The following RYR3 variants were observed in gnomAD, a reference collection of about 807,000 sequenced individuals.
RYR3 encodes ryanodine receptor 3.
In RYR3, 207 loss-of-function variants were observed where a neutral mutation model predicts 584.3. The observed-to-expected ratio is 0.35, with a 90% CI of 0.32 to 0.40. The LOEUF (loss-of-function observed/expected upper bound fraction) is 0.40, where lower values mean the gene tolerates loss of function less well. RYR3 is among the 10% of genes least tolerant of loss of function. RYR3 has a pLI of 1.00. For missense variants in RYR3, 5,616 were observed against 6,089.2 expected, an observed-to-expected ratio of 0.92 and a Z score of 2.59; for synonymous variants, 2,416 against 2,248.5, an observed-to-expected ratio of 1.07 and a Z score of -2.11.
intron 1 of RYR3, among the ~76,000 whole-genome samples, chr15:33,416,222 C>T (rs375779617): frequency 1.3e-5 from 2 of 152,088 alleles, no homozygotes; most frequent in African/African-American, 2.4e-5. Flanking sequence ...ATATATCCAG[C>T]AATTGGATTG....
chr15:33,485,590 G>C (rs1460310479), intron 2 of RYR3, among the ~76,000 whole-genome samples: 2 of 152,184 alleles, frequency 1.3e-5, no homozygotes, highest in Non-Finnish European at 2.9e-5. Context: ...CAAGGATGAG[G>C]GTGGATCTGT....
At position 33,705,502 on chromosome 15, in the gene RYR3, G is replaced by A. The variant is rs1267997042; in HGVS notation, c.6484-1417G>A. Among the ~76,000 whole-genome samples the A allele has an allele frequency of 2.0e-5, 3 of 152,192 alleles. No homozygotes were observed. In the South Asian group the frequency reaches 6.2e-4, roughly 32 times the overall value. On this transcript the variant is annotated intron_variant, in intron 42 of 103. Coordinates refer to ENST00000634891, the MANE Select transcript of RYR3 (RefSeq NM_001036.6). ...CACTGTGGATTCTCCTCTTCTCTGT[G>A]TATACATAAGATATCAAAGGTGAAA...
At chr15:33,604,571 C>T (rs907280915) in intron 18 of RYR3, among the ~76,000 whole-genome samples, 2 of 152,136 alleles carry the variant, frequency 1.3e-5, no homozygotes, top group South Asian at 2.1e-4. Flanking sequence ...AAAAAGCCTT[C>T]GTTCATGTTC....
intron 59 of RYR3, 85 bp from the exon 60 acceptor site, chr15:33,757,390 C>A: frequency 7.0e-7 from 1 of 1,421,480 alleles, no homozygotes; most frequent in Non-Finnish European, 9.6e-7. Context: ...AGGCTTTTTG[C>A]TCACTGAAAA....
At chr15:33,855,053 T>C in intron 98 of RYR3, 141 bp downstream of exon 98, 1 of 863,672 alleles carries the variant, frequency 1.2e-6, no homozygotes, top group Non-Finnish European at 1.6e-6. Flanking sequence ...CTTCAACTAA[T>C]GGTGATTGTT....
intron 102 of RYR3, among the ~76,000 whole-genome samples, chr15:33,861,480 CTT>C (rs34330524): frequency 6.8e-6 from 1 of 148,054 alleles, no homozygotes; most frequent in East Asian, 2.0e-4. Flanking sequence ...TATAAATATG[CTT>C]TTTTTTTTTT....
At chr15:33,776,157 G>C (rs963269541) in intron 64 of RYR3, among the ~76,000 whole-genome samples, 1 of 152,174 alleles carries the variant, frequency 6.6e-6, no homozygotes, top group Admixed American at 6.5e-5. Context: ...GCTACACCTG[G>C]AGTATGCTTT....
intron 1 of RYR3, among the ~76,000 whole-genome samples, chr15:33,440,197 G>C (rs2676021): frequency 0.21 from 31,614 of 151,936 alleles, 4,464 homozygotes; most frequent in African/African-American, 0.41. Flanking sequence ...TGAGGTGGGA[G>C]GATCACTTGA....
chr15:33,625,905 G>A (rs1215262530), intron 20 of RYR3, among the ~76,000 whole-genome samples: 1 of 152,128 alleles, frequency 6.6e-6, no homozygotes, highest in African/African-American at 2.4e-5. Context: ...TCCAGAAAAA[G>A]CCCCATCCTG....
chr15:33,721,750 A>G (rs1268978240), intron 43 of RYR3, among the ~76,000 whole-genome samples: 2 of 152,064 alleles, frequency 1.3e-5, no homozygotes, highest in Non-Finnish European at 2.9e-5. Context: ...ACAAATTAGG[A>G]TTTCATCTGA....
At chr15:33,739,346 A>G (rs911541807) in intron 50 of RYR3, among the ~76,000 whole-genome samples, 2 of 152,128 alleles carry the variant, frequency 1.3e-5, no homozygotes, top group Non-Finnish European at 2.9e-5. Context: ...ACTGAAATTC[A>G]TTTCTGGCTG....
At chr15:33,657,069 T>C (rs2062858355) in intron 32 of RYR3, among the ~76,000 whole-genome samples, 2 of 152,226 alleles carry the variant, frequency 1.3e-5, no homozygotes, top group Admixed American at 1.3e-4. Context: ...CAATTGCCCA[T>C]TTTTATCCTT....
chr15:33,485,704 G>A (rs909670930), intron 2 of RYR3, among the ~76,000 whole-genome samples: 12 of 152,176 alleles, frequency 7.9e-5, no homozygotes, highest in African/African-American at 2.9e-4. Context: ...TGAGGATGAC[G>A]ACCATGAATT....
At chr15:33,358,797 G>A (rs999767979) in intron 1 of RYR3, among the ~76,000 whole-genome samples, 1 of 152,108 alleles carries the variant, frequency 6.6e-6, no homozygotes, top group East Asian at 1.9e-4. Context: ...AAATAATGAG[G>A]CACTTTCTTC....
chr15:33,864,560 CAT>C (rs1225595943), intron 103 of RYR3, among the ~76,000 whole-genome samples: 1 of 151,082 alleles, frequency 6.6e-6, no homozygotes, highest in Non-Finnish European at 1.5e-5. Context: ...ATAACGACCT[CAT>C]GTGTGGGTGA....
rs1425162300 is a variant in RYR3 at position 33,652,725 on chromosome 15, C to G, written c.4150C>G (p.Arg1384Gly). 1.2e-6 allele frequency: 2 copies of G among 1,612,968 alleles called. No individual in the cohort carries two copies. ...TCCTGTCTTGGCTCCTAGTGTGAAA[C>G]GCAGCAACTGCTACATGGTCTGGGG... ...ERGRVHESVKRSNCYMVWGGD... is the reference protein window; with the variant it reads ...ERGRVHESVKGSNCYMVWGGD... The change falls in exon 32 of 104, where the codon CGC (arginine) becomes GGC (glycine). Residue 1384 changes from arginine to glycine, a missense_variant. This residue lies in a region of RYR3 where 753 missense variants were observed against 741.0 expected (regional missense o/e 1.02). Transcript: ENST00000634891.
At chr15:33,611,129 T>A (rs2060163230) in intron 18 of RYR3, among the ~76,000 whole-genome samples, 1 of 152,220 alleles carries the variant, frequency 6.6e-6, no homozygotes, top group African/African-American at 2.4e-5. Context: ...TTTTTTTAAA[T>A]TACCTTTTCA....
chr15:33,795,855 G>C (rs1219987489), intron 67 of RYR3, among the ~76,000 whole-genome samples: 1 of 152,102 alleles, frequency 6.6e-6, no homozygotes, highest in Non-Finnish European at 1.5e-5. Context: ...TTTCTAAAAG[G>C]CAATCGGCTT....
chr15:33,580,084 T>A lies in RYR3; in HGVS notation c.1377T>A (p.His459Gln). ...YFQPPEEEMR[H>Q]EDKQNKLRSL... ...AGCCCCCAGAGGAGGAGATGCGACA[T>A]GAAGACAAGCAGAACAAGCTCCGCT... The change falls in exon 13 of 104, where the codon CAT (histidine) becomes CAA (glutamine). Residue 459 changes from histidine to glutamine, a missense_variant. By Grantham distance (24) the His-to-Gln change is conservative. This residue lies in a region of RYR3 where 1,284 missense variants were observed against 1,344.6 expected (regional missense o/e 0.95). Transcript: ENST00000634891. 1 of 1,613,470 alleles carries A rather than the reference T, an allele frequency of 6.2e-7. No individual in the cohort carries two copies. Among genetic ancestry groups the A allele is most frequent in the East Asian group, 2.2e-5 (1 of 44,784 alleles).
Sources: gnomAD v4.1 joint callset for allele counts (sites outside exome capture counted in the v4.1 genomes callset) on GRCh38, gnomAD v4.1.1 for gene constraint, gnomAD v4.1.1 regional missense constraint, MANE v1.5 for transcripts, NCBI Gene and HGNC (gene_info 2026-07-23, HGNC 2026-07-21) for gene names.